Variants in PKD2L2 observed in about 807,000 individuals in gnomAD.
PKD2L2 encodes the protein polycystin 2 like 2, transient receptor potential cation channel.
Under a neutral mutation model 83.9 loss-of-function variants are expected in PKD2L2, and 67 were observed. That is an observed-to-expected ratio of 0.80 (90% CI 0.66 to 0.98). The LOEUF (loss-of-function observed/expected upper bound fraction) is 0.98. PKD2L2 is among the 50% of genes least tolerant of loss of function. PKD2L2 has a pLI of 0.00. For synonymous variants in PKD2L2, 223 were observed against 237.8 expected, an observed-to-expected ratio of 0.94 and a Z score of 0.57; for missense variants, 632 against 717.2, an observed-to-expected ratio of 0.88 and a Z score of 1.36.
intron 12 of PKD2L2, among the ~76,000 whole-genome samples, chr5:137,927,650 A>C (rs1350220018): frequency 1.3e-5 from 2 of 152,210 alleles, no homozygotes; most frequent in African/African-American, 4.8e-5. Context: ...ATACAGACTG[A>C]AGTATTCAGG....
In PKD2L2 at chr5:137,890,545, G is replaced by GTT. The variant is rs1755873289; in HGVS notation, c.97_98dup (p.Leu33PhefsTer8). On this transcript the variant is annotated frameshift_variant, in exon 2 of 15. Transcript: ENST00000508883. LOFTEE classifies it high-confidence loss of function. ...AAATTACAACCACACTTCAGGAATT[G>GTT]TTACTCTACTTTATTTTTTTAATAA... 2 of 1,559,746 alleles carry GTT rather than the reference G, an allele frequency of 1.3e-6. No homozygotes were observed. Among genetic ancestry groups the GTT allele is most frequent in the African/African-American group, 2.7e-5 (2 of 73,230 alleles).
At chr5:137,910,757 C>T (rs113876814) in intron 8 of PKD2L2, among the ~76,000 whole-genome samples, 310 of 145,686 alleles carry the variant, frequency 2.1e-3, no homozygotes, top group African/African-American at 6.6e-3. Context: ...CCAGCCTGGG[C>T]GACAGAATGA....
chr5:137,908,363 G>A (rs889866542), intron 7 of PKD2L2, among the ~76,000 whole-genome samples: 7 of 152,080 alleles, frequency 4.6e-5, no homozygotes, highest in South Asian at 2.1e-4. Flanking sequence ...TGAGGTGGGC[G>A]GATCACCTGA....
chr5:137,897,957 A>G (rs1420533829), intron 4 of PKD2L2, among the ~76,000 whole-genome samples: 1 of 151,946 alleles, frequency 6.6e-6, no homozygotes, highest in Non-Finnish European at 1.5e-5. Flanking sequence ...AAAAAGAAGA[A>G]ACAAAAAAAA....
chr5:137,916,475 C>CCTTTTTTTTTTT (rs1274018088), intron 8 of PKD2L2, among the ~76,000 whole-genome samples: 2 of 93,216 alleles, frequency 2.1e-5, no homozygotes. Flanking sequence ...CACTTTTCTT[C>CCTTTTTTTTTTT]TTTTTTTTTT....
At chr5:137,931,356 A>C (rs1016469050) in intron 12 of PKD2L2, among the ~76,000 whole-genome samples, 32 of 152,296 alleles carry the variant, frequency 2.1e-4, no homozygotes, top group Non-Finnish European at 3.4e-4. Context: ...AGAAAAGAAA[A>C]ACTCCCAAAT....
At chr5:137,912,028 GC>G (rs1757882541) in intron 8 of PKD2L2, among the ~76,000 whole-genome samples, 1 of 152,088 alleles carries the variant, frequency 6.6e-6, no homozygotes, top group South Asian at 2.1e-4. Context: ...GTTTATATAT[GC>G]CACATTTTCT....
At position 137,910,414 on chromosome 5, in the gene PKD2L2, G is replaced by C. The variant is rs1450870912; in HGVS notation, c.1328+1468G>C. 5.3e-5 allele frequency among the ~76,000 whole-genome samples: 8 copies of C among 151,938 alleles called. 1 individual carries two copies. The highest frequency in any genetic ancestry group is 1.2e-4 in the African/African-American group (5 of 41,372). Reference sequence around the variant, plus strand: ...AGAACTTTGAAATGGGTTAATGAGAGGACGTCTGTTTTTGGTAAGGATATG... The same window carrying C: ...AGAACTTTGAAATGGGTTAATGAGACGACGTCTGTTTTTGGTAAGGATATG... On this transcript the variant is annotated intron_variant, in intron 8 of 14. Transcript: ENST00000508883.
chr5:137,890,762 T>A (rs1755898449), intron 2 of PKD2L2, among the ~76,000 whole-genome samples, 180 bp downstream of exon 2: 1 of 152,254 alleles, frequency 6.6e-6, no homozygotes, highest in Non-Finnish European at 1.5e-5. Flanking sequence ...AGAAATTGAC[T>A]ATTTTCAGTT....
intron 8 of PKD2L2, among the ~76,000 whole-genome samples, chr5:137,914,392 T>C (rs1192318451): frequency 6.6e-6 from 1 of 152,130 alleles, no homozygotes; most frequent in African/African-American, 2.4e-5. Flanking sequence ...AATTCAAATA[T>C]TCCAAAATCT....
chr5:137,942,425 C>A lies in PKD2L2; in HGVS notation c.*59C>A. 1 of 222,208 alleles carries A rather than the reference C, an allele frequency of 4.5e-6. No homozygotes were observed. The highest frequency in any genetic ancestry group is 9.1e-5 in the South Asian group (1 of 11,044). 13.8% of individuals were successfully genotyped at this position (222,208 alleles called of 1,614,324 possible). ...TGTCGCCCAGGCTGGAACAGCGGTG[C>A]GACAGTGGCCTCAACATCCTCCAAA... is the stretch of plus-strand genomic sequence containing the variant. On this transcript the variant is annotated 3_prime_UTR_variant, in exon 15 of 15. Transcript: ENST00000508883.
chr5:137,906,278 A>G lies in PKD2L2; in HGVS notation c.819A>G (p.Arg273=). 1 of 1,612,502 alleles carries G rather than the reference A, an allele frequency of 6.2e-7. No homozygotes were observed. ...SWQFYSVKLL[R]YVSYYDYFIA... is the part of the protein sequence containing the mutation. ...AGTTTTACTCTGTGAAGCTCCTCAG[A>G]TATGTTAGCTACTATGACTATTTTA... The change falls in exon 6 of 15, where the codon AGA becomes AGG. Residue 273 remains arginine (R), a synonymous_variant. Coordinates refer to ENST00000508883, the MANE Select transcript of PKD2L2 (RefSeq NM_001300921.2).
intron 14 of PKD2L2, chr5:137,942,081 T>C (rs1421699498): frequency 6.6e-7 from 1 of 1,515,648 alleles, no homozygotes; most frequent in Non-Finnish European, 9.1e-7. Context: ...AAGGGCACAC[T>C]TGATTCATTA....
In PKD2L2 at chr5:137,906,298, A is replaced by G; in HGVS notation, c.839A>G (p.Tyr280Cys). Residue 280 changes from tyrosine to cysteine, a missense_variant, in exon 6 of 15, where the codon TAT (tyrosine) becomes TGT (cysteine). Transcript: ENST00000508883. ...KLLRYVSYYD[Y>C]FIASCEITFC... is the part of the protein sequence containing the mutation. ...CTCAGATATGTTAGCTACTATGACT[A>G]TTTTATTGCTTCCTGTGAAATCACA... 6.2e-7 allele frequency: 1 copy of G among 1,610,370 alleles called. No individual in the cohort carries two copies. The highest frequency in any genetic ancestry group is 8.5e-7 in the Non-Finnish European group (1 of 1,176,680).
intron 5 of PKD2L2, among the ~76,000 whole-genome samples, chr5:137,903,760 TTTTAA>T (rs1757147416): frequency 1.3e-5 from 2 of 152,336 alleles, no homozygotes; most frequent in South Asian, 2.1e-4. Flanking sequence ...ATTTTTTTAT[TTTTAA>T]TTTAATTTTT....
intron 8 of PKD2L2, among the ~76,000 whole-genome samples, chr5:137,912,750 T>C (rs1338282962): frequency 6.6e-6 from 1 of 151,950 alleles, no homozygotes; most frequent in East Asian, 1.9e-4. Context: ...TTTTGAGAAA[T>C]GTCTATTCAG....
intron 8 of PKD2L2, among the ~76,000 whole-genome samples, chr5:137,910,544 G>A (rs554481415): frequency 7.2e-5 from 11 of 151,946 alleles, no homozygotes; most frequent in Non-Finnish European, 1.2e-4. Flanking sequence ...AGGCCGAGGC[G>A]GGTGGATCAC....
At chr5:137,920,416 G>C (rs1758785372) in intron 8 of PKD2L2, among the ~76,000 whole-genome samples, 1 of 152,096 alleles carries the variant, frequency 6.6e-6, no homozygotes, top group Non-Finnish European at 1.5e-5. Flanking sequence ...GAAAAAGGAA[G>C]GTTTGAAATA....
chr5:137,916,084 G>T (rs1364609234), intron 8 of PKD2L2, among the ~76,000 whole-genome samples: 1 of 150,646 alleles, frequency 6.6e-6, no homozygotes, highest in African/African-American at 2.4e-5. Flanking sequence ...TGCCAAGGCT[G>T]GTCTCAAACT....
Sources: gnomAD v4.1 joint callset for allele counts (sites outside exome capture counted in the v4.1 genomes callset) on GRCh38, gnomAD v4.1.1 for gene constraint, MANE v1.5 for transcripts, NCBI Gene and HGNC (gene_info 2026-07-23, HGNC 2026-07-21) for gene names.